The following GLDN variants were observed in gnomAD, a reference collection of about 807,000 sequenced individuals.
GLDN encodes collomin.
A neutral mutation model predicts 56.5 loss-of-function variants in GLDN; 47 were observed. The observed-to-expected ratio is 0.83, with a 90% CI of 0.66 to 1.06. The LOEUF is 1.06. GLDN is among the 50% of genes least tolerant of loss of function. The probability of loss-of-function intolerance (pLI) is 0.00; values close to 1 mark genes in which losing one functional copy is unlikely to be tolerated. For synonymous variants in GLDN, 332 were observed against 278.8 expected, an observed-to-expected ratio of 1.19 and a Z score of -1.90; for missense variants, 782 against 714.3, an observed-to-expected ratio of 1.09 and a Z score of -1.08.
intron 1 of GLDN, among the ~76,000 whole-genome samples, chr15:51,362,778 C>T (rs1298999966): frequency 1.3e-5 from 2 of 152,006 alleles, no homozygotes; most frequent in Non-Finnish European, 2.9e-5. Context: ...TTTATATAGC[C>T]ATTGCAATAA....
chr15:51,378,514 C>A (rs2037684897), intron 2 of GLDN, among the ~76,000 whole-genome samples: 1 of 152,106 alleles, frequency 6.6e-6, no homozygotes, highest in South Asian at 2.1e-4. Flanking sequence ...ACAGGAAAAG[C>A]CTCTTCCTTT....
At chr15:51,367,631 C>T (rs932123849) in intron 1 of GLDN, among the ~76,000 whole-genome samples, 1 of 152,204 alleles carries the variant, frequency 6.6e-6, no homozygotes, top group Admixed American at 6.5e-5. Flanking sequence ...TAAGCCCTAC[C>T]CCTTGAAAGG....
chr15:51,352,587 AG>A (rs1203905903), intron 1 of GLDN, among the ~76,000 whole-genome samples: 1 of 152,182 alleles, frequency 6.6e-6, no homozygotes, highest in East Asian at 1.9e-4. Flanking sequence ...GGCCTCTTAA[AG>A]CCTGGATTGG....
At chr15:51,362,131 G>T (rs185747931) in intron 1 of GLDN, among the ~76,000 whole-genome samples, 1 of 152,174 alleles carries the variant, frequency 6.6e-6, no homozygotes, top group Non-Finnish European at 1.5e-5. Context: ...CAAAGGCCCC[G>T]AGTTGAGAGA....
chr15:51,404,366 CT>C lies in GLDN; in HGVS notation c.1270del (p.Tyr424ThrfsTer4). ...AAATACCTTTTTGCAAATTCCAAAA[CT>C]TACTTCAATCTAGCTGTAGATGAAA... ...DRKYLFANSK[T>X]YFNLAVDEKG... On this transcript the variant is annotated frameshift_variant, in exon 10 of 10. Transcript: ENST00000335449. LOFTEE classifies it high-confidence loss of function. 1 of 1,614,074 alleles carries C rather than the reference CT, an allele frequency of 6.2e-7. No individual in the cohort carries two copies. Among genetic ancestry groups the C allele is most frequent in the Non-Finnish European group, 8.5e-7 (1 of 1,179,998 alleles).
chr15:51,386,183 A>G (rs146332224), intron 4 of GLDN, among the ~76,000 whole-genome samples: 1 of 152,200 alleles, frequency 6.6e-6, no homozygotes, highest in Non-Finnish European at 1.5e-5. Context: ...TGCGGAGGTC[A>G]GCAGCATTAG....
intron 4 of GLDN, 79 bp downstream of exon 4, chr15:51,383,971 C>T: frequency 1.9e-6 from 2 of 1,066,132 alleles, no homozygotes; most frequent in Non-Finnish European, 2.8e-6. Flanking sequence ...AAACTGTGTG[C>T]AGCAGGGGTA....
rs758677429 is a variant in GLDN, at chr15:51,397,472, G to C, written c.691G>C (p.Ala231Pro). ...DVSNDVLLAGAKGDQGPPGPP... is the reference protein window; with the variant it reads ...DVSNDVLLAGPKGDQGPPGPP... ...CCTTTCTCTCTCTCTCTCTCCAGGT[G>C]CCAAAGGTGACCAAGGCCCACCCGG... is the stretch of plus-strand genomic sequence containing the variant. Residue 231 changes from alanine to proline, a missense_variant and splice_region_variant, in exon 6 of 10, where the codon GCC (alanine) becomes CCC (proline). Coordinates refer to ENST00000335449, the MANE Select transcript of GLDN (RefSeq NM_181789.4). 2.8e-5 allele frequency: 42 copies of C among 1,507,876 alleles called. No homozygotes were observed. In the African/African-American group the frequency reaches 5.6e-4, roughly 20 times the overall value. The allele number at this position is 1,507,876 out of a possible 1,614,324, so 93.4% of individuals were successfully genotyped here.
rs575390245 is a variant in GLDN, at chr15:51,397,461, T to A, written c.689-9T>A. 6 of 1,432,460 alleles carry A rather than the reference T, an allele frequency of 4.2e-6. No homozygotes were observed. The South Asian group carries it at 7.8e-5, about 19-fold the overall frequency. 88.7% of individuals were successfully genotyped at this position (1,432,460 alleles called of 1,614,324 possible). A position where few individuals can be genotyped will look rare whatever the true frequency, so the allele number is the denominator to read the frequency against. ...CTCCTTCTCTCCCTTTCTCTCTCTC[T>A]CTCTCCAGGTGCCAAAGGTGACCAA... On this transcript the variant is annotated splice_polypyrimidine_tract_variant and intron_variant, in intron 5 of 9. Transcript: ENST00000335449.
intron 3 of GLDN, among the ~76,000 whole-genome samples, 161 bp downstream of exon 3, chr15:51,383,614 C>A (rs1160553092): frequency 6.6e-6 from 1 of 152,152 alleles, no homozygotes; most frequent in Non-Finnish European, 1.5e-5. Context: ...CCATCACCAT[C>A]CCCCCACTTG....
rs895631502 is a variant in GLDN at position 51,407,111 on chromosome 15, G to A, written c.*2357G>A. On this transcript the variant is annotated 3_prime_UTR_variant, in exon 10 of 10. Transcript: ENST00000335449. ...TCTGGGCTCCCTTACTTGTGAGTAAGGGATCATGCTCACCACTGGAGAAGC... is the reference window on the plus strand; with the variant it reads ...TCTGGGCTCCCTTACTTGTGAGTAAAGGATCATGCTCACCACTGGAGAAGC... The A allele has an allele frequency of 1.3e-5, 2 of 152,038 alleles. No homozygotes were observed. The highest frequency in any genetic ancestry group is 2.4e-5 in the African/African-American group (1 of 41,408). 9.4% of individuals were successfully genotyped at this position (152,038 alleles called of 1,614,324 possible).
At position 51,353,402 on chromosome 15, in the gene GLDN, C is replaced by G. The variant is rs143173760; in HGVS notation, c.363+11355C>G. On this transcript the variant is annotated intron_variant, in intron 1 of 9. Transcript: ENST00000335449. ...TCTTGATAAATCGACTCTATCTGCA[C>G]AGCAGGCAAGATGAACCTGTTGGGT... Among the ~76,000 whole-genome samples, 103 of 152,302 alleles carry G rather than the reference C, an allele frequency of 6.8e-4. 1 individual carries two copies. In the East Asian group the frequency reaches 0.017, roughly 25 times the overall value.
intron 1 of GLDN, among the ~76,000 whole-genome samples, chr15:51,369,810 C>T (rs2037478652): frequency 6.6e-6 from 1 of 152,172 alleles, no homozygotes; most frequent in African/African-American, 2.4e-5. Context: ...CAGACAATTC[C>T]TTTTGCAAAG....
rs746708132 is a variant in GLDN, at chr15:51,341,899, T to C, written c.215T>C (p.Leu72Ser). The C allele has an allele frequency of 6.3e-7, 1 of 1,589,298 alleles. No homozygotes were observed. The highest frequency in any genetic ancestry group is 8.5e-7 in the Non-Finnish European group (1 of 1,175,662). Residue 72 changes from leucine (L) to serine (S), a missense_variant, in exon 1 of 10, where the codon TTG becomes TCG. Transcript: ENST00000335449. ...DSALRSFLAE[L>S]SRAPRGASAP... is the part of the protein sequence containing the mutation. ...GCCCTGCGCTCCTTCCTGGCCGAGTTGAGCCGCGCGCCGCGCGGGGCGTCC... is the reference window on the plus strand; with the variant it reads ...GCCCTGCGCTCCTTCCTGGCCGAGTCGAGCCGCGCGCCGCGCGGGGCGTCC...
chr15:51,358,281 A>G (rs2037225198), intron 1 of GLDN, among the ~76,000 whole-genome samples: 1 of 152,172 alleles, frequency 6.6e-6, no homozygotes, highest in South Asian at 2.1e-4. Context: ...TGGTCCTCCA[A>G]TTTGCCAGTG....
intron 1 of GLDN, among the ~76,000 whole-genome samples, chr15:51,368,844 G>T (rs530483676): frequency 6.6e-6 from 1 of 152,264 alleles, no homozygotes; most frequent in East Asian, 1.9e-4. Flanking sequence ...GAATCATGCT[G>T]ATAAGATGAA....
In GLDN at chr15:51,404,549, T is replaced by G; in HGVS notation, c.1451T>G (p.Val484Gly). The G allele has an allele frequency of 6.2e-7, 1 of 1,614,184 alleles. No individual in the cohort carries two copies. The highest frequency in any genetic ancestry group is 8.5e-7 in the Non-Finnish European group (1 of 1,180,038). Residue 484 changes from valine (V) to glycine (G), a missense_variant, in exon 10 of 10, where the codon GTC (valine) becomes GGC (glycine). Val to Gly is a moderately radical substitution (Grantham distance 109). Coordinates refer to ENST00000335449, the MANE Select transcript of GLDN (RefSeq NM_181789.4). ...NAFIARGILY[V>G]TDTKDMRVTF... ...TTCATTGCCCGAGGAATCCTCTATG[T>G]CACAGACACCAAAGATATGAGGGTC...
chr15:51,345,132 C>T (rs532292091), intron 1 of GLDN, among the ~76,000 whole-genome samples: 1 of 152,214 alleles, frequency 6.6e-6, no homozygotes, highest in African/African-American at 2.4e-5. Flanking sequence ...TTTCTCTGAC[C>T]TCCTCTCATA....
chr15:51,358,223 G>T (rs1268158421), intron 1 of GLDN, among the ~76,000 whole-genome samples: 1 of 152,168 alleles, frequency 6.6e-6, no homozygotes, highest in Non-Finnish European at 1.5e-5. Flanking sequence ...TCTTAGGAGG[G>T]CAAATAGGTG....
Sources: gnomAD v4.1 joint callset for allele counts (sites outside exome capture counted in the v4.1 genomes callset) on GRCh38, gnomAD v4.1.1 for gene constraint, MANE v1.5 for transcripts, NCBI Gene and HGNC (gene_info 2026-07-23, HGNC 2026-07-21) for gene names.